Variants in MPP7 observed in about 807,000 individuals in gnomAD.
MPP7 encodes MAGUK p55 scaffold protein 7.
In MPP7, 60 loss-of-function variants were observed where a neutral mutation model predicts 76.5. The observed-to-expected ratio is 0.78, with a 90% confidence interval of 0.64 to 0.97. MPP7 has a LOEUF of 0.97. Ranked by LOEUF, MPP7 falls within the 50% of genes least tolerant of loss-of-function variation. The pLI is 0.00. For synonymous variants in MPP7, 237 were observed against 244.5 expected (o/e 0.97, Z 0.29); for missense variants, 641 against 694.0 (o/e 0.92, Z 0.86).
chr10:28,102,843 G>A (rs1259806141), intron 11 of MPP7, among the ~76,000 whole-genome samples: 1 of 152,152 alleles, frequency 6.6e-6, no homozygotes, highest in Admixed American at 6.5e-5. Context: ...GGAGCTCCCT[G>A]CTTCTGCTGT....
At chr10:28,332,453 T>C (rs370645938) in intron 1 of MPP7, among the ~76,000 whole-genome samples, 68 of 152,310 alleles carry the variant, frequency 4.5e-4, no homozygotes, top group African/African-American at 1.6e-3. Flanking sequence ...GTTGGCAGTT[T>C]ACACACATTT....
chr10:28,073,673 G>A (rs975881075), intron 12 of MPP7, among the ~76,000 whole-genome samples: 1 of 152,090 alleles, frequency 6.6e-6, no homozygotes, highest in South Asian at 2.1e-4. Context: ...GGGAGGCTGA[G>A]GCAAGAGAAT....
At chr10:28,166,155 A>T (rs1836448629) in intron 3 of MPP7, among the ~76,000 whole-genome samples, 1 of 151,970 alleles carries the variant, frequency 6.6e-6, no homozygotes, top group Non-Finnish European at 1.5e-5. Context: ...AAACTGTATA[A>T]TCTAGTCAGA....
chr10:28,310,445 T>G (rs888296124), intron 2 of MPP7, among the ~76,000 whole-genome samples: 9 of 152,190 alleles, frequency 5.9e-5, no homozygotes, highest in African/African-American at 2.2e-4. Context: ...CCTGTTGCGC[T>G]GTCACACGAA....
chr10:28,219,894 A>C (rs1003724315), intron 2 of MPP7, among the ~76,000 whole-genome samples: 1 of 152,046 alleles, frequency 6.6e-6, no homozygotes, highest in African/African-American at 2.4e-5. Context: ...ACAGGCTGCA[A>C]TTTTTCCCAT....
chr10:28,120,440 A>G, intron 9 of MPP7, 50 bp from the exon 10 acceptor site: 1 of 1,555,228 alleles, frequency 6.4e-7, no homozygotes, highest in Non-Finnish European at 8.8e-7. Context: ...AATAAATGTG[A>G]AATGGCCTAT....
In MPP7 at chr10:28,051,319, T is replaced by G. The variant is rs2133294335; in HGVS notation, c.*2746A>C. ...TCTGAGAAGGTTATGTTTGTCAGTT[T>G]CAAATTATTACAGTTTAGATACATT... On this transcript the variant is annotated 3_prime_UTR_variant, in exon 17 of 17. Coordinates refer to ENST00000683449, the MANE Select transcript of MPP7 (RefSeq NM_001318170.2). 6.6e-6 allele frequency: 1 copy of G among 152,342 alleles called. No individual in the cohort carries two copies. The highest frequency in any genetic ancestry group is 6.5e-5 in the Admixed American group (1 of 15,304). 9.4% of individuals were successfully genotyped at this position (152,342 alleles called of 1,614,324 possible). A position where few individuals can be genotyped will look rare whatever the true frequency, so the allele number is the denominator to read the frequency against.
intron 12 of MPP7, among the ~76,000 whole-genome samples, chr10:28,079,087 C>T (rs1461745542): frequency 6.6e-6 from 1 of 152,144 alleles, no homozygotes; most frequent in Non-Finnish European, 1.5e-5. Context: ...ATTATTGCCT[C>T]ATTTCATGTA....
intron 1 of MPP7, among the ~76,000 whole-genome samples, chr10:28,333,979 G>A (rs1414460434): frequency 6.6e-6 from 1 of 152,152 alleles, no homozygotes; most frequent in African/African-American, 2.4e-5. Context: ...GATCACTTGA[G>A]GTCAGGAGTT....
chr10:28,208,206 A>T (rs929149939), intron 2 of MPP7, among the ~76,000 whole-genome samples: 5 of 152,126 alleles, frequency 3.3e-5, no homozygotes, highest in Non-Finnish European at 7.4e-5. Context: ...TGGGCCAAAG[A>T]TTCTCCATTA....
intron 11 of MPP7, chr10:28,118,020 A>AC (rs1273207590): frequency 2.3e-5 from 21 of 909,534 alleles, no homozygotes; most frequent in African/African-American, 1.8e-5. Flanking sequence ...AAAAACAAAA[A>AC]AAAACAAAAT....
At chr10:28,308,152 CT>C (rs1247118136) in intron 2 of MPP7, among the ~76,000 whole-genome samples, 2 of 131,222 alleles carry the variant, frequency 1.5e-5, no homozygotes. Flanking sequence ...AGGATTTAAA[CT>C]CCTTCAGCCC....
chr10:28,089,743 C>A lies in MPP7; in HGVS notation c.1051G>T (p.Val351Leu), dbSNP rs768470715. The change falls in exon 12 of 17, where the codon GTA (valine) becomes TTA (leucine). Residue 351 changes from valine to leucine, a missense_variant. By Grantham distance (32) the Val-to-Leu change is conservative (BLOSUM62 1). Transcript: ENST00000683449. ...KKSDQYDTAD[V>L]PTYEEVTPYR... ...GGTGTCACTTCTTCGTATGTGGGTACGTCAGCTGTGTCGTACTGATCACTC... is the reference window on the plus strand; with the variant it reads ...GGTGTCACTTCTTCGTATGTGGGTAAGTCAGCTGTGTCGTACTGATCACTC... The A allele has an allele frequency of 1.2e-6, 2 of 1,613,642 alleles. No homozygotes were observed. The highest frequency in any genetic ancestry group is 1.3e-5 in the African/African-American group (1 of 74,890).
chr10:28,256,478 T>C lies in MPP7; in HGVS notation c.-131-17743A>G, dbSNP rs1030714802. ...TCACACAGGTAAACAAATATATATATGTGCAAAAAAACTGACTAAGCATCA... is the reference window on the plus strand; with the variant it reads ...TCACACAGGTAAACAAATATATATACGTGCAAAAAAACTGACTAAGCATCA... On this transcript the variant is annotated intron_variant, in intron 1 of 16. Transcript: ENST00000683449. Among the ~76,000 whole-genome samples the C allele has an allele frequency of 3.9e-5, 6 of 151,978 alleles. No homozygotes were observed. In the East Asian group the frequency reaches 1.2e-3, roughly 29 times the overall value.
At chr10:28,191,958 T>C (rs1837424849) in intron 3 of MPP7, among the ~76,000 whole-genome samples, 1 of 152,058 alleles carries the variant, frequency 6.6e-6, no homozygotes, top group East Asian at 1.9e-4. Flanking sequence ...ACCTTATCTC[T>C]ACTAAAAATA....
chr10:28,176,816 G>A (rs1284229672), intron 3 of MPP7, among the ~76,000 whole-genome samples: 1 of 132,392 alleles, frequency 7.6e-6, no homozygotes, highest in Non-Finnish European at 1.5e-5. Flanking sequence ...TCATAGGTGG[G>A]AATTGAACAA....
intron 2 of MPP7, among the ~76,000 whole-genome samples, chr10:28,209,486 C>T (rs1330567005): frequency 6.8e-6 from 1 of 146,822 alleles, no homozygotes; most frequent in East Asian, 2.0e-4. Context: ...AAAAAAAAAA[C>T]TATGTGTGTG....
At chr10:28,125,289 C>G (rs1401099911) in intron 6 of MPP7, among the ~76,000 whole-genome samples, 198 bp from the exon 7 acceptor site, 2 of 152,212 alleles carry the variant, frequency 1.3e-5, no homozygotes, top group African/African-American at 4.8e-5. Flanking sequence ...GAAATTCTAT[C>G]TACATAGCAT....
intron 1 of MPP7, among the ~76,000 whole-genome samples, chr10:28,253,580 G>A (rs951787227): frequency 2.0e-5 from 3 of 152,162 alleles, no homozygotes; most frequent in African/African-American, 7.2e-5. Flanking sequence ...TTTCCTTATA[G>A]TTGATAGGTC....
Sources: gnomAD v4.1 joint callset for allele counts (sites outside exome capture counted in the v4.1 genomes callset) on GRCh38, gnomAD v4.1.1 for gene constraint, MANE v1.5 for transcripts, NCBI Gene and HGNC (gene_info 2026-07-23, HGNC 2026-07-21) for gene names.